ZNF236: variants seen among roughly 807,000 people sequenced by gnomAD.
The protein encoded by ZNF236 is regulated by glucose.
A neutral mutation model predicts 191.2 loss-of-function variants in ZNF236; 50 were observed. The ratio of observed to expected loss-of-function variants is 0.26; its 90% CI spans 0.21 to 0.33. The LOEUF is 0.33. Among genes scored for constraint, ZNF236 ranks in the 10% least tolerant of loss-of-function variants. ZNF236 has a pLI of 1.00. For synonymous variants in ZNF236, 907 were observed against 928.8 expected, an observed-to-expected ratio of 0.98 and a Z score of 0.43; for missense variants, 1,754 against 2,374.5, an observed-to-expected ratio of 0.74 and a Z score of 5.43.
At chr18:76,868,359 G>A (rs567335261) in intron 3 of ZNF236, among the ~76,000 whole-genome samples, 155 of 152,258 alleles carry the variant, frequency 1.0e-3, no homozygotes, top group Admixed American at 2.4e-3. Flanking sequence ...TCTCTAAAGC[G>A]CTCACAGAAT....
intron 3 of ZNF236, 81 bp from the exon 4 acceptor site, chr18:76,868,604 A>G (rs543492994): frequency 7.5e-6 from 9 of 1,195,322 alleles, no homozygotes; most frequent in Non-Finnish European, 1.0e-5. Flanking sequence ...TAATTTGTGT[A>G]TTAACCGTTG....
In ZNF236 at chr18:76,875,644, G is replaced by A. The variant is rs747329131; in HGVS notation, c.820G>A (p.Val274Met). 1.1e-5 allele frequency: 17 copies of A among 1,592,970 alleles called. No homozygotes were observed. Among genetic ancestry groups the A allele is most frequent in the South Asian group, 6.8e-5 (6 of 87,688 alleles). ...TCAGAAAGGGAATCTTCAGTCGCAC[G>A]TGCAGCGAGTCCACTCAGAGGTAAA... ...FSQKGNLQSH[V>M]QRVHSEVKNG... Residue 274 changes from valine (V) to methionine (M), a missense_variant, in exon 6 of 31, where the codon GTG (valine) becomes ATG (methionine). This residue lies in a region of ZNF236 where 336 missense variants were observed against 495.1 expected (regional missense o/e 0.68). Transcript: ENST00000320610. The surrounding 1 kb of genome is among the most constrained non-coding windows in gnomAD (Gnocchi z 4.3).
rs780043215 is a variant in ZNF236 at position 76,910,761 on chromosome 18, T to C, written c.2755T>C (p.Phe919Leu). ...TGAGTCTCAGGCCCTCTCCACAAGCTTCCACCAGCAGAGCTTGCTGCAGGC... is the reference window on the plus strand; with the variant it reads ...TGAGTCTCAGGCCCTCTCCACAAGCCTCCACCAGCAGAGCTTGCTGCAGGC... ...TLESQALSTS[F>L]HQQSLLQAPS... Residue 919 changes from phenylalanine to leucine, a missense_variant, in exon 16 of 31, where the codon TTC (phenylalanine) becomes CTC (leucine). By Grantham distance (22) the Phe-to-Leu change is conservative (BLOSUM62 0). This residue lies in a region of ZNF236 where 641 missense variants were observed against 869.6 expected (regional missense o/e 0.74). Transcript: ENST00000320610. The C allele has an allele frequency of 3.7e-6, 6 of 1,614,192 alleles. No individual in the cohort carries two copies. Among genetic ancestry groups the C allele is most frequent in the Middle Eastern group, 1.6e-4 (1 of 6,062 alleles).
At chr18:76,860,392 T>C (rs1976178761) in intron 3 of ZNF236, among the ~76,000 whole-genome samples, 1 of 152,246 alleles carries the variant, frequency 6.6e-6, no homozygotes, top group African/African-American at 2.4e-5. Context: ...TACTTCACTG[T>C]GATTTCCTCC....
rs1967347213 is a variant in ZNF236, at chr18:76,915,827, C to T, written c.3242C>T (p.Ala1081Val). 1.9e-6 allele frequency: 3 copies of T among 1,613,950 alleles called. No individual in the cohort carries two copies. Among genetic ancestry groups the T allele is most frequent in the Admixed American group, 3.3e-5 (2 of 59,994 alleles). The change falls in exon 19 of 31, where the codon GCT (alanine) becomes GTT (valine). Residue 1081 changes from alanine (A) to valine (V), a missense_variant. This residue lies in a region of ZNF236 where 641 missense variants were observed against 869.6 expected (regional missense o/e 0.74). Transcript: ENST00000320610. ...HMKRHQTVPSAVSATGETEGG... is the reference protein window; with the variant it reads ...HMKRHQTVPSVVSATGETEGG... ...AAGAGACACCAAACAGTCCCCTCTG[C>T]TGTGTCAGCCACTGGAGAGACAGAA...
intron 27 of ZNF236, among the ~76,000 whole-genome samples, chr18:76,955,772 G>A (rs1292963117): frequency 6.6e-6 from 1 of 152,176 alleles, no homozygotes; most frequent in Non-Finnish European, 1.5e-5. Context: ...CTGCTGTTGT[G>A]TGGTCTCAAT....
At chr18:76,921,624 C>G (rs1568231240) in intron 20 of ZNF236, among the ~76,000 whole-genome samples, 1 of 151,930 alleles carries the variant, frequency 6.6e-6, no homozygotes, top group East Asian at 1.9e-4. Flanking sequence ...TTGTGACCTG[C>G]CTGTGGGTGG....
At chr18:76,860,050 G>A (rs1976168722) in intron 3 of ZNF236, among the ~76,000 whole-genome samples, 1 of 152,162 alleles carries the variant, frequency 6.6e-6, no homozygotes, top group African/African-American at 2.4e-5. Context: ...TGGAGATGGT[G>A]GTTTGCCTGG....
intron 16 of ZNF236, among the ~76,000 whole-genome samples, chr18:76,911,922 A>G (rs1427863724): frequency 1.3e-5 from 2 of 152,168 alleles, no homozygotes; most frequent in African/African-American, 4.8e-5. Flanking sequence ...TGAAGGTGGG[A>G]TTTTATTCAC....
intron 11 of ZNF236, 83 bp downstream of exon 11, chr18:76,899,305 G>A: frequency 8.2e-7 from 1 of 1,214,238 alleles, no homozygotes; most frequent in Non-Finnish European, 1.2e-6. Flanking sequence ...ACACATTATG[G>A]TCTCTGTAGT....
In ZNF236 at chr18:76,970,651, G is replaced by A. The variant is rs974877821; in HGVS notation, c.*2312G>A. Reference sequence around the variant, plus strand: ...GTATAACCAGGGTTTTGAGGATAAAGAACTGTATTTTTAGAACTATCTCAT... The same window carrying A: ...GTATAACCAGGGTTTTGAGGATAAAAAACTGTATTTTTAGAACTATCTCAT... On this transcript the variant is annotated 3_prime_UTR_variant, in exon 31 of 31. Coordinates refer to ENST00000320610, the MANE Select transcript of ZNF236 (RefSeq NM_001306089.2). 6.6e-6 allele frequency: 1 copy of A among 152,554 alleles called. No individual in the cohort carries two copies. Among genetic ancestry groups the A allele is most frequent in the South Asian group, 2.1e-4 (1 of 4,830 alleles). 9.5% of individuals were successfully genotyped at this position (152,554 alleles called of 1,614,324 possible).
Position 76,937,151 on chromosome 18 carries a change from T to C in ZNF236, c.4595-5T>C, listed in dbSNP as rs1191945634. ...ATTGATCTACTTACTTTGCCTCTTT[T>C]GTAGAACTTAACACTACAAGCGGAA... On this transcript the variant is annotated splice_polypyrimidine_tract_variant and splice_region_variant and intron_variant, in intron 25 of 30. Transcript: ENST00000320610. 1.4e-5 allele frequency: 22 copies of C among 1,612,062 alleles called. No homozygotes were observed. The highest frequency in any genetic ancestry group is 1.7e-5 in the Non-Finnish European group (20 of 1,178,390).
Position 76,880,071 on chromosome 18 carries a change from G to C in ZNF236, c.985-42G>C. The C allele has an allele frequency of 1.3e-6, 2 of 1,494,414 alleles. No individual in the cohort carries two copies. Among genetic ancestry groups the C allele is most frequent in the Non-Finnish European group, 1.8e-6 (2 of 1,095,972 alleles). The allele number at this position is 1,494,414 out of a possible 1,614,324, so 92.6% of individuals were successfully genotyped here. A position where few individuals can be genotyped will look rare whatever the true frequency, so the allele number is the denominator to read the frequency against. On this transcript the variant is annotated intron_variant, in intron 7 of 30. Coordinates refer to ENST00000320610, the MANE Select transcript of ZNF236 (RefSeq NM_001306089.2). The surrounding 1 kb of genome is among the most constrained non-coding windows in gnomAD (Gnocchi z 5.0). ...TTTTAATTTTCCTTTTTAAATTGAA[G>C]AGCAAAATTGTATTTTTAATGAAAA...
At chr18:76,867,909 A>G (rs963265103) in intron 3 of ZNF236, among the ~76,000 whole-genome samples, 3 of 152,188 alleles carry the variant, frequency 2.0e-5, no homozygotes, top group African/African-American at 7.2e-5. Flanking sequence ...ACCCAGCTGT[A>G]GAACATCTAG....
intron 9 of ZNF236, among the ~76,000 whole-genome samples, chr18:76,890,060 G>A (rs1977181923): frequency 6.6e-6 from 1 of 152,184 alleles, no homozygotes; most frequent in Non-Finnish European, 1.5e-5. Flanking sequence ...CGTGTGTGTA[G>A]CTGCATCATT....
At chr18:76,899,276 C>T (rs1977522820) in intron 11 of ZNF236, 54 bp downstream of exon 11, 4 of 1,481,034 alleles carry the variant, frequency 2.7e-6, no homozygotes, top group South Asian at 1.2e-5. Context: ...TTTTCTTTGA[C>T]ATTTTGTGAA....
chr18:76,892,563 AAT>A (rs759164784), intron 9 of ZNF236, among the ~76,000 whole-genome samples: 1 of 151,506 alleles, frequency 6.6e-6, no homozygotes, highest in African/African-American at 2.4e-5. Context: ...TATATTTACT[AAT>A]ATATATATAT....
chr18:76,955,353 G>A (rs1159515398), intron 27 of ZNF236, among the ~76,000 whole-genome samples: 2 of 152,180 alleles, frequency 1.3e-5, no homozygotes, highest in Admixed American at 6.5e-5. Context: ...GGAGTTTGAG[G>A]CTGTCCTGAG....
At chr18:76,824,518 C>G (rs923878745) in intron 1 of ZNF236, 6 of 773,832 alleles carry the variant, frequency 7.8e-6, no homozygotes, top group Admixed American at 6.9e-5. Context: ...GAGTTTTGGC[C>G]TTGACCTTAT....
Sources: gnomAD v4.1 joint callset for allele counts (sites outside exome capture counted in the v4.1 genomes callset) on GRCh38, gnomAD v4.1.1 for gene constraint, gnomAD v4.1.1 regional missense constraint, Gnocchi (gnomAD v3.1) non-coding constraint, MANE v1.5 for transcripts, NCBI Gene and HGNC (gene_info 2026-07-23, HGNC 2026-07-21) for gene names.